The following SHROOM3 variants were observed in gnomAD, a reference collection of about 807,000 sequenced individuals.
SHROOM3 encodes shroom family member 3.
SHROOM3 carries 47 observed loss-of-function variants against 138.6 expected under a neutral mutation model. That is an observed-to-expected ratio of 0.34 (90% CI 0.27 to 0.43). The LOEUF is 0.43. SHROOM3 is among the 20% of genes least tolerant of loss of function. The pLI is 1.00. For missense variants in SHROOM3, 2,491 were observed against 2,596.5 expected (o/e 0.96, Z 0.88); for synonymous variants, 1,062 against 1,063.3 (o/e 1.00, Z 0.02).
At chr4:76,668,020 G>T (rs554688332) in intron 2 of SHROOM3, among the ~76,000 whole-genome samples, 1 of 149,900 alleles carries the variant, frequency 6.7e-6, no homozygotes, top group East Asian at 2.0e-4. Flanking sequence ...CGCAGGGTGC[G>T]GGGAGGGAGC....
At chr4:76,722,421 T>C (rs1204513682) in intron 3 of SHROOM3, among the ~76,000 whole-genome samples, 2 of 152,038 alleles carry the variant, frequency 1.3e-5, no homozygotes, top group African/African-American at 4.8e-5. Flanking sequence ...GAAGACCAAA[T>C]TCTGCATGTT....
chr4:76,621,830 C>CTT (rs1437662557), intron 2 of SHROOM3, among the ~76,000 whole-genome samples: 21 of 133,376 alleles, frequency 1.6e-4, no homozygotes, highest in East Asian at 2.1e-4. Flanking sequence ...TTTGAATGTT[C>CTT]TTTTTTTTTT....
chr4:76,580,841 T>G (rs146486111), intron 2 of SHROOM3, among the ~76,000 whole-genome samples: 1 of 152,342 alleles, frequency 6.6e-6, no homozygotes, highest in East Asian at 1.9e-4. Context: ...AATATGTATT[T>G]AATATCCTGC....
intron 1 of SHROOM3, among the ~76,000 whole-genome samples, chr4:76,458,947 TCCCTGTGA>T (rs1731086689): frequency 6.6e-6 from 1 of 152,204 alleles, no homozygotes; most frequent in South Asian, 2.1e-4. Context: ...TAGGTCCAGC[TCCCTGTGA>T]AAGTTGAGTT....
At chr4:76,667,966 CAAA>C (rs747974205) in intron 2 of SHROOM3, among the ~76,000 whole-genome samples, 6 of 62,558 alleles carry the variant, frequency 9.6e-5, no homozygotes, top group African/African-American at 2.6e-4. Context: ...GACTCCCTCT[CAAA>C]AAAAAAAAAA....
At chr4:76,701,418 T>A (rs1719898643) in intron 2 of SHROOM3, among the ~76,000 whole-genome samples, 1 of 152,194 alleles carries the variant, frequency 6.6e-6, no homozygotes, top group South Asian at 2.1e-4. Flanking sequence ...TCGTGTGGCT[T>A]AGAAGTCCTG....
At chr4:76,507,156 A>G (rs1732228735) in intron 1 of SHROOM3, among the ~76,000 whole-genome samples, 1 of 152,220 alleles carries the variant, frequency 6.6e-6, no homozygotes, top group Non-Finnish European at 1.5e-5. Flanking sequence ...GAAGAAATAA[A>G]AGGAGAAGGT....
At position 76,435,747 on chromosome 4, in the gene SHROOM3, AGC is replaced by A. The variant is rs2109960655; in HGVS notation, c.-303_-302del. On this transcript the variant is annotated 5_prime_UTR_variant, in exon 1 of 11. An upstream open reading frame in the 5' UTR gains an earlier in-frame stop. Transcript: ENST00000296043. ...AAAAGCTCAGAAAAGCAATCTTCAG[AGC>A]GCCACTGAAGGAAGTTTTGACGAAC... 1 of 275,706 alleles carries A rather than the reference AGC, an allele frequency of 3.6e-6. No individual in the cohort carries two copies. The highest frequency in any genetic ancestry group is 4.8e-5 in the Admixed American group (1 of 20,820). The allele number at this position is 275,706 out of a possible 1,614,324, so 17.1% of individuals were successfully genotyped here.
chr4:76,544,819 A>G (rs374788710), intron 1 of SHROOM3, among the ~76,000 whole-genome samples: 4 of 152,362 alleles, frequency 2.6e-5, no homozygotes, highest in East Asian at 3.9e-4. Flanking sequence ...TTGATGGAAC[A>G]GCAGGAAATT....
intron 5 of SHROOM3, 67 bp from the exon 6 acceptor site, chr4:76,748,950 C>T: frequency 6.7e-7 from 1 of 1,497,980 alleles, no homozygotes; most frequent in South Asian, 1.1e-5. Context: ...CTTTTTACCT[C>T]CACCCTCTTG....
chr4:76,552,141 C>T (rs962892655), intron 1 of SHROOM3, among the ~76,000 whole-genome samples: 39 of 150,974 alleles, frequency 2.6e-4, no homozygotes, highest in Non-Finnish European at 4.4e-4. Flanking sequence ...GGATTACAGG[C>T]ATGAGCCACT....
chr4:76,692,403 T>C (rs6815232), intron 2 of SHROOM3, among the ~76,000 whole-genome samples: 7,465 of 152,234 alleles, frequency 0.049, 625 homozygotes, highest in African/African-American at 0.17. Context: ...AAATAAAACA[T>C]GTTAATAAGC....
intron 3 of SHROOM3, among the ~76,000 whole-genome samples, chr4:76,714,297 C>A (rs900247525): frequency 2.0e-5 from 3 of 152,208 alleles, no homozygotes; most frequent in Non-Finnish European, 1.5e-5. Flanking sequence ...CTCCTCTGAT[C>A]TGTGATATTT....
At chr4:76,446,120 C>T (rs1286631351) in intron 1 of SHROOM3, among the ~76,000 whole-genome samples, 1 of 152,096 alleles carries the variant, frequency 6.6e-6, no homozygotes, top group African/African-American at 2.4e-5. Context: ...GGCATGCTAG[C>T]TCATGTAAGC....
chr4:76,498,445 TAGG>T (rs1006284901), intron 1 of SHROOM3, among the ~76,000 whole-genome samples: 17 of 152,036 alleles, frequency 1.1e-4, no homozygotes, highest in African/African-American at 3.6e-4. Flanking sequence ...TGGATGATGA[TAGG>T]AGGAGGAGAG....
intron 1 of SHROOM3, among the ~76,000 whole-genome samples, chr4:76,544,588 G>C (rs1207837782): frequency 6.6e-6 from 1 of 151,628 alleles, no homozygotes; most frequent in African/African-American, 2.4e-5. Context: ...GTAAAGATAG[G>C]GTTTCGCCAT....
intron 2 of SHROOM3, among the ~76,000 whole-genome samples, chr4:76,703,522 G>A (rs1719962757): frequency 6.6e-6 from 1 of 152,170 alleles, no homozygotes; most frequent in African/African-American, 2.4e-5. Flanking sequence ...TGTGCCTGAG[G>A]GCATCACTTC....
At chr4:76,566,108 CAAAA>C (rs1170771360) in intron 2 of SHROOM3, among the ~76,000 whole-genome samples, 1 of 59,336 alleles carries the variant, frequency 1.7e-5, no homozygotes. Context: ...AACCCTGTCT[CAAAA>C]AAAAAAAAAA....
chr4:76,780,371 G>C lies in SHROOM3; in HGVS notation c.*1194G>C, dbSNP rs1487060725. The C allele has an allele frequency of 6.6e-6, 1 of 152,172 alleles. No individual in the cohort carries two copies. 9.4% of individuals were successfully genotyped at this position (152,172 alleles called of 1,614,324 possible). A position where few individuals can be genotyped will look rare whatever the true frequency, so the allele number is the denominator to read the frequency against. ...GGCTATGTTTACAGCTGCTGGAGAT[G>C]GCAGTAGCCTTATACTTTGAGCAGG... On this transcript the variant is annotated 3_prime_UTR_variant, in exon 11 of 11. Transcript: ENST00000296043.
Sources: allele counts gnomAD v4.1 joint callset (sites outside exome capture counted in the v4.1 genomes callset), GRCh38; gene constraint gnomAD v4.1.1; transcripts MANE v1.5; gene names NCBI Gene and HGNC (gene_info 2026-07-23, HGNC 2026-07-21).